The following ECM1 variants were observed in gnomAD, a reference collection of about 807,000 sequenced individuals.
ECM1 encodes the protein extracellular matrix protein 1, also known as secretory component p85.
In ECM1, 54 loss-of-function variants were observed where a neutral mutation model predicts 57.9. That is an observed-to-expected ratio of 0.93 (90% CI 0.75 to 1.17). The LOEUF (loss-of-function observed/expected upper bound fraction) is 1.17. ECM1 is among the 50% of genes most tolerant of loss of function. ECM1 has a pLI of 0.00. For synonymous variants in ECM1, 237 were observed against 259.1 expected, an observed-to-expected ratio of 0.91 and a Z score of 0.82; for missense variants, 649 against 688.1, an observed-to-expected ratio of 0.94 and a Z score of 0.64.
chr1:150,510,165 C>G lies in ECM1; in HGVS notation c.368C>G (p.Pro123Arg). The part of the protein sequence containing the change: ...LQKELPSLQH[P>R]NEQKEGTPAP... ...AAAGAGCTGCCCTCTCTCCAGCACC[C>G]CAATGAACAGAAGGAAGGTAAGCAG... The change falls in exon 5 of 10, where the codon CCC (proline) becomes CGC (arginine). Residue 123 changes from proline to arginine, a missense_variant. Physicochemically the swap from Pro to Arg is moderately radical, Grantham distance 103. Transcript: ENST00000369047. 1.2e-6 allele frequency: 2 copies of G among 1,614,056 alleles called. No homozygotes were observed. The highest frequency in any genetic ancestry group is 1.7e-6 in the Non-Finnish European group (2 of 1,179,940).
In ECM1 at chr1:150,513,588, C is replaced by A; in HGVS notation, c.*121C>A. The stretch of plus-strand genomic sequence containing the variant: ...TCCTCATTGTCTATCTAATGTCTCA[C>A]CCGCAGTGTTTTAAGTGGATCTTGG... On this transcript the variant is annotated 3_prime_UTR_variant, in exon 10 of 10. Transcript: ENST00000369047. 1.0e-6 allele frequency: 1 copy of A among 1,001,682 alleles called. No homozygotes were observed. The highest frequency in any genetic ancestry group is 1.5e-6 in the Non-Finnish European group (1 of 686,278). 62.0% of individuals were successfully genotyped at this position (1,001,682 alleles called of 1,614,324 possible). A position where few individuals can be genotyped will look rare whatever the true frequency, so the allele number is the denominator to read the frequency against.
At chr1:150,508,377 C>T in intron 1 of ECM1, 98 bp downstream of exon 1, 2 of 1,204,586 alleles carry the variant, frequency 1.7e-6, no homozygotes, top group Middle Eastern at 4.2e-4. Context: ...CAGAGTGATT[C>T]TCCGTTTGGC....
intron 1 of ECM1, among the ~76,000 whole-genome samples, chr1:150,508,747 C>A (rs1670346294): frequency 6.6e-6 from 1 of 152,100 alleles, no homozygotes; most frequent in Admixed American, 6.6e-5. Context: ...TCTTTATCTG[C>A]TTTGATGCCT....
chr1:150,512,478 A>G lies in ECM1; in HGVS notation c.1210A>G (p.Asn404Asp), dbSNP rs778334787. The G allele has an allele frequency of 2.5e-6, 4 of 1,613,240 alleles. No individual in the cohort carries two copies. The East Asian group carries it at 6.7e-5, about 27-fold the overall frequency. The stretch of plus-strand genomic sequence containing the variant: ...CTTTGCCCGTCGGGCTCCTTACCCC[A>G]ACTATGACCGGGACATCTTGACCAT... ...ECFARRAPYP[N>D]YDRDILTIDI... The change falls in exon 8 of 10, where the codon AAC becomes GAC. Residue 404 changes from asparagine to aspartate, a missense_variant. Asn to Asp is a conservative substitution (Grantham distance 23). Coordinates refer to ENST00000369047, the MANE Select transcript of ECM1 (RefSeq NM_004425.4).
chr1:150,513,630 G>T lies in ECM1; in HGVS notation c.*163G>T. On this transcript the variant is annotated 3_prime_UTR_variant, in exon 10 of 10. Coordinates refer to ENST00000369047, the MANE Select transcript of ECM1 (RefSeq NM_004425.4). ...GGATCTTGGTGCCCTGGCCCAGGAG[G>T]GCACTGGCGTTTTCAGACACACCAC... The T allele has an allele frequency of 1.5e-6, 1 of 682,354 alleles. No homozygotes were observed. The highest frequency in any genetic ancestry group is 2.4e-6 in the Non-Finnish European group (1 of 408,618). 42.3% of individuals were successfully genotyped at this position (682,354 alleles called of 1,614,324 possible).
chr1:150,510,628 G>A lies in ECM1; in HGVS notation c.386-248G>A. ...AGTGCTCAGGACCCTGGGGAGAGGA[G>A]CAGGAAGCCCGAGCCTTGAGAAGCA... is the stretch of plus-strand genomic sequence containing the variant. On this transcript the variant is annotated intron_variant, in intron 5 of 9. Transcript: ENST00000369047. 3 of 600,340 alleles carry A rather than the reference G, an allele frequency of 5.0e-6. No homozygotes were observed. The East Asian group carries it at 8.6e-5, about 17-fold the overall frequency. The allele number at this position is 600,340 out of a possible 1,614,324, so 37.2% of individuals were successfully genotyped here.
At chr1:150,508,369 G>A in intron 1 of ECM1, 90 bp downstream of exon 1, 9 of 1,256,180 alleles carry the variant, frequency 7.2e-6, no homozygotes, top group Non-Finnish European at 1.0e-5. Flanking sequence ...ATCACTAGCA[G>A]AGTGATTCTC....
At chr1:150,509,244 G>C (rs1207964475) in intron 1 of ECM1, 2 of 520,420 alleles carry the variant, frequency 3.8e-6, no homozygotes, top group Non-Finnish European at 3.5e-6. Flanking sequence ...AGGAAATGAG[G>C]GCCTCCCTCC....
chr1:150,511,807 C>A lies in ECM1; in HGVS notation c.1059C>A (p.Asn353Lys). 1.2e-6 allele frequency: 2 copies of A among 1,611,748 alleles called. No homozygotes were observed. Among genetic ancestry groups the A allele is most frequent in the South Asian group, 2.2e-5 (2 of 90,938 alleles). The change falls in exon 7 of 10, where the codon AAC becomes AAA. Residue 353 changes from asparagine (N) to lysine (K), a missense_variant. By Grantham distance (94) the Asn-to-Lys change is moderately conservative (BLOSUM62 0). Transcript: ENST00000369047. Reference sequence around the variant, plus strand: ...TCCAGCGCTGCTGCCGCCAGGGGAACAATCACACCTGTACATGGAAGGCCG... The same window carrying A: ...TCCAGCGCTGCTGCCGCCAGGGGAAAAATCACACCTGTACATGGAAGGCCG... Reference protein sequence around the residue: ...REFQRCCRQGNNHTCTWKAWE... With the variant: ...REFQRCCRQGKNHTCTWKAWE...
intron 5 of ECM1, 120 bp from the exon 6 acceptor site, chr1:150,510,756 T>C: frequency 2.0e-6 from 2 of 1,019,446 alleles, no homozygotes; most frequent in Non-Finnish European, 3.1e-6. Flanking sequence ...TCTTTCTCAT[T>C]TCCACTATAT....
chr1:150,511,726 A>G lies in ECM1; in HGVS notation c.978A>G (p.Pro326=), dbSNP rs1179045632. The change falls in exon 7 of 10, where the codon CCA becomes CCG. Residue 326 remains proline (P), a synonymous_variant. Transcript: ENST00000369047. ...RRFRSVPRNL[P]ATDPLQRELL... ...TCCGCTCTGTGCCACGCAACCTGCC[A>G]GCTACTGACCCCCTACAAAGGGAGC... The G allele has an allele frequency of 5.0e-6, 8 of 1,613,978 alleles. No individual in the cohort carries two copies. The highest frequency in any genetic ancestry group is 2.7e-5 in the African/African-American group (2 of 74,904).
intron 2 of ECM1, 39 bp from the exon 3 acceptor site, chr1:150,509,622 A>G (rs1396716403): frequency 6.2e-7 from 1 of 1,613,904 alleles, no homozygotes; most frequent in Non-Finnish European, 8.5e-7. Flanking sequence ...GGACTCCAGG[A>G]GGCACTGTGG....
Position 150,511,841 on chromosome 1 carries a change from C to T in ECM1, c.1083+10C>T, listed in dbSNP as rs55770822. ...CTGTACATGGAAGGCCGTAAGTGGG[C>T]GTCCCAGCCTCCCTGAGAGCCTGTT... On this transcript the variant is annotated intron_variant, in intron 7 of 9. Transcript: ENST00000369047. 3.5e-3 allele frequency: 5,619 copies of T among 1,592,090 alleles called. 18 individuals are homozygous for T. The highest frequency in any genetic ancestry group is 3.6e-3 in the Non-Finnish European group (4,160 of 1,167,734).
At chr1:150,510,254 G>C (rs1010473502) in intron 5 of ECM1, 72 bp downstream of exon 5, 1 of 1,423,140 alleles carries the variant, frequency 7.0e-7, no homozygotes, top group African/African-American at 1.4e-5. Context: ...CTTCGGGGCA[G>C]ACAAGACGGT....
In ECM1 at chr1:150,511,667, G is replaced by A; in HGVS notation, c.919G>A (p.Asp307Asn). 1 of 1,614,096 alleles carries A rather than the reference G, an allele frequency of 6.2e-7. No homozygotes were observed. Among genetic ancestry groups the A allele is most frequent in the Non-Finnish European group, 8.5e-7 (1 of 1,180,022 alleles). ...TTTCCCTCCTGGGGTGCCCACATTG[G>A]ACAATATCAAGAACATCTGCCACCT... The part of the protein sequence containing the change: ...LPFPPGVPTL[D>N]NIKNICHLRR... The change falls in exon 7 of 10, where the codon GAC becomes AAC. Residue 307 changes from aspartate (D) to asparagine (N), a missense_variant. Transcript: ENST00000369047.
chr1:150,510,027 A>T, intron 4 of ECM1, 25 bp downstream of exon 4: 1 of 1,613,708 alleles, frequency 6.2e-7, no homozygotes, highest in South Asian at 1.1e-5. Context: ...ACCCTCCCTC[A>T]CCTCTATCCC....
intron 1 of ECM1, among the ~76,000 whole-genome samples, chr1:150,508,721 T>C (rs778905868): frequency 1.3e-5 from 2 of 151,966 alleles, no homozygotes; most frequent in Non-Finnish European, 2.9e-5. Flanking sequence ...CCACCCTCCA[T>C]CCAGCACAAA....
intron 1 of ECM1, 91 bp downstream of exon 1, chr1:150,508,370 AGT>A: frequency 7.9e-7 from 1 of 1,265,840 alleles, no homozygotes; most frequent in Non-Finnish European, 1.1e-6. Flanking sequence ...TCACTAGCAG[AGT>A]GATTCTCCGT....
chr1:150,511,105 C>T lies in ECM1; in HGVS notation c.615C>T (p.Arg205=), dbSNP rs1362427678. Residue 205 remains arginine (R), a synonymous_variant, in exon 6 of 10, where the codon CGC becomes CGT. Coordinates refer to ENST00000369047, the MANE Select transcript of ECM1 (RefSeq NM_004425.4). ...LPQSSYSHLT[R]QGETLNFLEI... The stretch of plus-strand genomic sequence containing the variant: ...AGTCCAGCTACTCCCACCTCACTCG[C>T]CAGGGTGAGACCCTCAATTTCCTGG... The T allele has an allele frequency of 1.2e-6, 2 of 1,614,258 alleles. No homozygotes were observed. The highest frequency in any genetic ancestry group is 2.2e-5 in the South Asian group (2 of 91,088).
Sources: allele counts gnomAD v4.1 joint callset (sites outside exome capture counted in the v4.1 genomes callset), GRCh38; gene constraint gnomAD v4.1.1; transcripts MANE v1.5; gene names NCBI Gene and HGNC (gene_info 2026-07-23, HGNC 2026-07-21).